The following ERBB4 variants were observed in gnomAD, a reference collection of about 807,000 sequenced individuals.
The protein encoded by ERBB4 is receptor tyrosine-protein kinase erbB-4.
A neutral mutation model predicts 158.0 loss-of-function variants in ERBB4; 42 were observed. The observed-to-expected ratio is 0.27, with a 90% CI of 0.21 to 0.34. ERBB4 has a LOEUF of 0.34. Ranked by LOEUF, ERBB4 falls within the 10% of genes least tolerant of loss-of-function variation. The pLI is 1.00. For synonymous variants in ERBB4, 583 were observed against 558.7 expected, an observed-to-expected ratio of 1.04 and a Z score of -0.61; for missense variants, 1,333 against 1,624.1, an observed-to-expected ratio of 0.82 and a Z score of 3.08.
chr2:211,972,924 A>G (rs1402024895), intron 2 of ERBB4, among the ~76,000 whole-genome samples: 1 of 152,196 alleles, frequency 6.6e-6, no homozygotes, highest in Admixed American at 6.5e-5. Context: ...ATTAAACTAA[A>G]GAGTTTCTGC....
intron 19 of ERBB4, among the ~76,000 whole-genome samples, chr2:211,612,170 T>C (rs1289291913): frequency 6.6e-6 from 1 of 152,026 alleles, no homozygotes; most frequent in Non-Finnish European, 1.5e-5. Context: ...GGGAAAAATA[T>C]CACAGAAATT....
intron 3 of ERBB4, among the ~76,000 whole-genome samples, chr2:211,824,243 A>G (rs2077049857): frequency 6.6e-6 from 1 of 152,040 alleles, no homozygotes. Flanking sequence ...TGCTTTCGAA[A>G]AACAGTATCT....
chr2:211,558,084 G>A (rs758325661), intron 20 of ERBB4, among the ~76,000 whole-genome samples: 1 of 152,074 alleles, frequency 6.6e-6, no homozygotes, highest in Non-Finnish European at 1.5e-5. Context: ...ATGGATACAC[G>A]GAAACACACA....
At chr2:211,384,171 T>G (rs2062636016) in intron 27 of ERBB4, 111 bp from the exon 28 acceptor site, 1 of 763,014 alleles carries the variant, frequency 1.3e-6, no homozygotes, top group African/African-American at 1.8e-5. Flanking sequence ...AACCCACAGA[T>G]TTGTTTTCAT....
chr2:212,189,150 T>C (rs2082116590), intron 1 of ERBB4, among the ~76,000 whole-genome samples: 1 of 151,538 alleles, frequency 6.6e-6, no homozygotes, highest in African/African-American at 2.4e-5. Flanking sequence ...AAATCCAAAA[T>C]GTAAAATGTT....
chr2:211,875,025 CAAAAAAAAA>C (rs746636278), intron 3 of ERBB4, among the ~76,000 whole-genome samples: 2 of 27,032 alleles, frequency 7.4e-5, no homozygotes, highest in East Asian at 1.3e-3. Flanking sequence ...AATAGAAATG[CAAAAAAAAA>C]AAAAAAAAAA....
chr2:211,472,029 G>A (rs1454521793), intron 20 of ERBB4, among the ~76,000 whole-genome samples: 2 of 152,040 alleles, frequency 1.3e-5, no homozygotes, highest in Non-Finnish European at 2.9e-5. Context: ...ATGCTGTGGA[G>A]AGCCATTGCA....
chr2:211,679,244 T>C (rs1264220713), intron 12 of ERBB4, 60 bp from the exon 13 acceptor site: 5 of 1,584,402 alleles, frequency 3.2e-6, no homozygotes, highest in Non-Finnish European at 4.3e-6. Flanking sequence ...ACTTAAAATC[T>C]TCCTAGGTAA....
At chr2:211,577,449 T>G (rs1041420910) in intron 19 of ERBB4, among the ~76,000 whole-genome samples, 1 of 151,938 alleles carries the variant, frequency 6.6e-6, no homozygotes, top group Non-Finnish European at 1.5e-5. Flanking sequence ...CATTCTTCCC[T>G]AACTCATTTT....
intron 3 of ERBB4, among the ~76,000 whole-genome samples, chr2:211,879,194 TA>T (rs887494176): frequency 2.4e-3 from 358 of 147,298 alleles, no homozygotes; most frequent in African/African-American, 7.6e-3. Flanking sequence ...AATGTCTGCA[TA>T]AAAAAAAAAG....
rs2106131753 is a variant in ERBB4, at chr2:211,725,127, G to A, written c.690C>T (p.Cys230=). 1 of 1,614,034 alleles carries A rather than the reference G, an allele frequency of 6.2e-7. No homozygotes were observed. Among genetic ancestry groups the A allele is most frequent in the East Asian group, 2.2e-5 (1 of 44,868 alleles). Reference sequence around the variant, plus strand: ...AGCAGCCTCCAGCACATTCTCGATGGCAGCAGTCACTGACGTAAGGTCCGT... The same window carrying A: ...AGCAGCCTCCAGCACATTCTCGATGACAGCAGTCACTGACGTAAGGTCCGT... ...RCYGPYVSDC[C]HRECAGGCSG... Residue 230 remains cysteine, a synonymous_variant, in exon 6 of 28, where the codon TGC becomes TGT. Coordinates refer to ENST00000342788, the MANE Select transcript of ERBB4 (RefSeq NM_005235.3).
chr2:211,415,897 A>G (rs1163128484), intron 25 of ERBB4, among the ~76,000 whole-genome samples: 3 of 152,208 alleles, frequency 2.0e-5, no homozygotes, highest in African/African-American at 7.2e-5. Context: ...ATGCAAATAA[A>G]TCTATTTAAT....
chr2:211,901,892 T>A (rs2079245288), intron 3 of ERBB4, among the ~76,000 whole-genome samples: 1 of 152,146 alleles, frequency 6.6e-6, no homozygotes, highest in Admixed American at 6.6e-5. Flanking sequence ...TACAATGTTT[T>A]TAAAAAATTG....
intron 2 of ERBB4, among the ~76,000 whole-genome samples, chr2:212,033,200 T>C (rs190529720): frequency 2.0e-5 from 3 of 152,150 alleles, no homozygotes; most frequent in Admixed American, 2.0e-4. Flanking sequence ...CCCAAATCTT[T>C]CACTTATTCT....
intron 2 of ERBB4, among the ~76,000 whole-genome samples, chr2:212,023,777 C>T (rs2076711379): frequency 6.6e-6 from 1 of 151,420 alleles, no homozygotes; most frequent in Non-Finnish European, 1.5e-5. Flanking sequence ...ATCAAATGTC[C>T]CCATGGGTGT....
intron 2 of ERBB4, among the ~76,000 whole-genome samples, chr2:212,056,727 C>A (rs1041394580): frequency 6.6e-6 from 1 of 152,122 alleles, no homozygotes; most frequent in African/African-American, 2.4e-5. Flanking sequence ...CAAGCAAATG[C>A]TGAGAGATTT....
chr2:211,662,063 A>G (rs2071446624), intron 15 of ERBB4, among the ~76,000 whole-genome samples: 2 of 135,518 alleles, frequency 1.5e-5, no homozygotes, highest in African/African-American at 2.9e-5. Context: ...AAAAAAAAAA[A>G]AAAAAAAAAA....
chr2:211,786,801 C>T (rs994436902), intron 4 of ERBB4, among the ~76,000 whole-genome samples: 1 of 152,172 alleles, frequency 6.6e-6, no homozygotes, highest in South Asian at 2.1e-4. Context: ...ATAATATGTG[C>T]AATAGCATGG....
chr2:212,491,981 TATA>T (rs1690303710), intron 1 of ERBB4, among the ~76,000 whole-genome samples: 1 of 151,538 alleles, frequency 6.6e-6, no homozygotes, highest in South Asian at 2.1e-4. Context: ...AGCAGATTCT[TATA>T]ATACTACTTT....
Sources: allele counts gnomAD v4.1 joint callset (sites outside exome capture counted in the v4.1 genomes callset), GRCh38; gene constraint gnomAD v4.1.1; transcripts MANE v1.5; gene names NCBI Gene and HGNC (gene_info 2026-07-23, HGNC 2026-07-21).